Variants in ANO10 observed in about 807,000 individuals in gnomAD.
ANO10 encodes the protein anoctamin-10.
ANO10 carries 77 observed loss-of-function variants against 74.7 expected under a neutral mutation model. The ratio of observed to expected loss-of-function variants is 1.03; its 90% confidence interval spans 0.86 to 1.25. The LOEUF is 1.25. Ranked by LOEUF, ANO10 falls within the 50% of genes most tolerant of loss-of-function variation. The pLI is 0.00. For synonymous variants in ANO10, 279 were observed against 284.9 expected (o/e 0.98, Z 0.21); for missense variants, 721 against 778.1 (o/e 0.93, Z 0.87).
chr3:43,678,881 G>C (rs1267928555), intron 1 of ANO10, among the ~76,000 whole-genome samples: 1 of 152,166 alleles, frequency 6.6e-6, no homozygotes, highest in African/African-American at 2.4e-5. Context: ...GAGATATTAA[G>C]CTATTCAGAT....
At chr3:43,596,956 T>C (rs1401053040) in intron 4 of ANO10, among the ~76,000 whole-genome samples, 16 of 152,120 alleles carry the variant, frequency 1.1e-4, no homozygotes, top group Non-Finnish European at 1.6e-4. Flanking sequence ...GGGCAAAGGA[T>C]ATGAACAGAC....
intron 11 of ANO10, among the ~76,000 whole-genome samples, chr3:43,528,222 A>G (rs969397425): frequency 6.6e-6 from 1 of 151,338 alleles, no homozygotes; most frequent in African/African-American, 2.4e-5. Flanking sequence ...AAAAAAGCAG[A>G]TAACATCTGT....
intron 12 of ANO10, among the ~76,000 whole-genome samples, chr3:43,369,547 C>T (rs1030295841): frequency 5.3e-5 from 8 of 152,220 alleles, no homozygotes; most frequent in African/African-American, 1.7e-4. Context: ...TGGGCCACGG[C>T]CATGGGATGT....
At position 43,476,401 on chromosome 3, in the gene ANO10, T is replaced by C. The variant is rs149826791; in HGVS notation, c.1798-43674A>G. Among the ~76,000 whole-genome samples the C allele has an allele frequency of 7.3e-4, 111 of 152,300 alleles. 1 individual carries two copies. Among genetic ancestry groups the C allele is most frequent in the African/African-American group, 2.2e-3 (93 of 41,564 alleles). ...AGGCCTGCTTTTGATCTCCAATTAG[T>C]GGGGTCTGTAGTGGTCTACTAGCAT... On this transcript the variant is annotated intron_variant, in intron 11 of 12. Transcript: ENST00000292246.
At position 43,544,502 on chromosome 3, in the gene ANO10, A is replaced by G. The variant is rs115350635; in HGVS notation, c.1797+5218T>C. On this transcript the variant is annotated intron_variant, in intron 11 of 12. Transcript: ENST00000292246. ...CTAAATCAAGCTTTAAAAAAAAATG[A>G]AGAATCAGGGCTGGGTATGGTGGTT... 5.5e-3 allele frequency among the ~76,000 whole-genome samples: 831 copies of G among 152,058 alleles called. 6 individuals carry two copies. The highest frequency in any genetic ancestry group is 0.019 in the African/African-American group (799 of 41,490).
At chr3:43,500,517 C>T (rs193117463) in intron 11 of ANO10, among the ~76,000 whole-genome samples, 3 of 152,302 alleles carry the variant, frequency 2.0e-5, no homozygotes, top group Non-Finnish European at 2.9e-5. Flanking sequence ...CACATGTTGA[C>T]GATGGCAGCT....
At chr3:43,527,655 T>C (rs891955183) in intron 11 of ANO10, among the ~76,000 whole-genome samples, 4 of 151,892 alleles carry the variant, frequency 2.6e-5, no homozygotes, top group African/African-American at 4.8e-5. Context: ...TACATGAAAA[T>C]AGGGAAATAA....
chr3:43,677,077 G>A lies in ANO10; in HGVS notation c.-12+14440C>T, dbSNP rs554538337. Among the ~76,000 whole-genome samples, 72 of 152,202 alleles carry A rather than the reference G, an allele frequency of 4.7e-4. 2 individuals are homozygous for A. Among genetic ancestry groups the A allele is most frequent in the African/African-American group, 1.6e-3 (67 of 41,524 alleles). On this transcript the variant is annotated intron_variant, in intron 1 of 3. Transcript: ENST00000413397. ...GCACTATTCACAATAGCAAAGACAC[G>A]GAATGAACCCAGCTGCCCATCAACA...
At chr3:43,542,643 C>T (rs906281397) in intron 11 of ANO10, among the ~76,000 whole-genome samples, 3 of 152,214 alleles carry the variant, frequency 2.0e-5, no homozygotes, top group African/African-American at 7.2e-5. Flanking sequence ...GAAACTGAGA[C>T]TCAAAGATTA....
chr3:43,686,627 C>T lies in ANO10; in HGVS notation c.-12+4890G>A, dbSNP rs1219297166. ...TAGATGAGGATTAAGAGATGTAGACCTTGCTGTCCAGTATGGTAGCTACTA... is the reference window on the plus strand; with the variant it reads ...TAGATGAGGATTAAGAGATGTAGACTTTGCTGTCCAGTATGGTAGCTACTA... On this transcript the variant is annotated intron_variant, in intron 1 of 3. Transcript: ENST00000413397. Among the ~76,000 whole-genome samples, 3 of 152,158 alleles carry T rather than the reference C, an allele frequency of 2.0e-5. No individual in the cohort carries two copies. The East Asian group carries it at 5.8e-4, about 29-fold the overall frequency.
At chr3:43,508,959 AAAAG>A (rs796425691) in intron 11 of ANO10, among the ~76,000 whole-genome samples, 46 of 23,328 alleles carry the variant, frequency 2.0e-3, no homozygotes, top group African/African-American at 3.0e-3. Context: ...AAAAAAAAAG[AAAAG>A]AAAAAAAGAA....
intron 11 of ANO10, among the ~76,000 whole-genome samples, chr3:43,504,343 G>GATAGATAGATAA (rs1553692183): frequency 1.4e-4 from 21 of 149,528 alleles, no homozygotes; most frequent in Non-Finnish European, 3.0e-4. Flanking sequence ...TAGATAGATA[G>GATAGATAGATAA]ATAAAAATAA....
intron 12 of ANO10, among the ~76,000 whole-genome samples, chr3:43,429,978 A>G (rs908868438): frequency 1.3e-5 from 2 of 152,174 alleles, no homozygotes; most frequent in Admixed American, 6.5e-5. Context: ...ACCAATTTAC[A>G]CTTCTGTCAG....
chr3:43,593,595 G>A (rs995982287), intron 4 of ANO10, among the ~76,000 whole-genome samples: 2 of 151,994 alleles, frequency 1.3e-5, no homozygotes, highest in Non-Finnish European at 2.9e-5. Context: ...GCCCTAAAAG[G>A]GCTCCTGAAG....
chr3:43,610,877 A>G lies in ANO10; in HGVS notation c.-11-5014T>C, dbSNP rs1309269912. Among the ~76,000 whole-genome samples, 3 of 152,236 alleles carry G rather than the reference A, an allele frequency of 2.0e-5. No homozygotes were observed. In the East Asian group the frequency reaches 5.8e-4, roughly 29 times the overall value. ...TTCCAATCTGTAAAAATGAAAGCCT[A>G]TGAAATTGTATCCTATTGACTGAAA... On this transcript the variant is annotated intron_variant, in intron 1 of 12. Coordinates refer to ENST00000292246, the MANE Select transcript of ANO10 (RefSeq NM_018075.5).
At chr3:43,448,873 C>CTTTTTT (rs35711363) in intron 11 of ANO10, among the ~76,000 whole-genome samples, 8 of 134,258 alleles carry the variant, frequency 6.0e-5, no homozygotes, top group Middle Eastern at 3.9e-3. Context: ...TTCTTTCTTT[C>CTTTTTT]TTTTTTTTTT....
chr3:43,637,036 G>A (rs191536844), intron 1 of ANO10, among the ~76,000 whole-genome samples: 1 of 152,248 alleles, frequency 6.6e-6, no homozygotes, highest in African/African-American at 2.4e-5. Flanking sequence ...CAGACGTGGT[G>A]GTGCATGCCT....
chr3:43,660,996 G>A (rs2083919306), intron 1 of ANO10, among the ~76,000 whole-genome samples: 2 of 152,132 alleles, frequency 1.3e-5, no homozygotes, highest in Admixed American at 6.5e-5. Context: ...TATTATCCAG[G>A]AGAACTTCCC....
rs538432129 is a variant in ANO10 at position 43,477,152 on chromosome 3, G to A, written c.1798-44425C>T. Among the ~76,000 whole-genome samples the A allele has an allele frequency of 2.6e-5, 4 of 152,244 alleles. No individual in the cohort carries two copies. In the South Asian group the frequency reaches 6.2e-4, roughly 24 times the overall value. The stretch of plus-strand genomic sequence containing the variant: ...ATTTATCTACTGGTTTACAAATAGA[G>A]AAATCTTTCATTATCCCTCAAATTA... On this transcript the variant is annotated intron_variant, in intron 11 of 12. Transcript: ENST00000292246.
Sources: gnomAD v4.1 joint callset for allele counts (sites outside exome capture counted in the v4.1 genomes callset) on GRCh38, gnomAD v4.1.1 for gene constraint, MANE v1.5 for transcripts, NCBI Gene and HGNC (gene_info 2026-07-23, HGNC 2026-07-21) for gene names.